The following PPP1R3C variants were observed in gnomAD, a reference collection of about 807,000 sequenced individuals.
PPP1R3C encodes PP1 subunit R5.
A neutral mutation model predicts 29.3 loss-of-function variants in PPP1R3C; 20 were observed. That is an observed-to-expected ratio of 0.68 (90% CI 0.48 to 0.99). PPP1R3C has a LOEUF of 0.99. Among genes scored for constraint, PPP1R3C ranks in the 50% least tolerant of loss-of-function variants. PPP1R3C has a pLI of 0.00. For synonymous variants in PPP1R3C, 123 were observed against 143.1 expected (o/e 0.86, Z 1.00); for missense variants, 321 against 386.0 (o/e 0.83, Z 1.41).
chr10:91,632,460 T>C (rs1848727397), intron 1 of PPP1R3C, among the ~76,000 whole-genome samples: 1 of 152,128 alleles, frequency 6.6e-6, no homozygotes, highest in African/African-American at 2.4e-5. Flanking sequence ...GTGATTTCCT[T>C]GGAACTTTAA....
chr10:91,630,588 A>G lies in PPP1R3C; in HGVS notation c.293T>C (p.Ile98Thr), dbSNP rs1848707283. The G allele has an allele frequency of 1.2e-6, 2 of 1,613,684 alleles. No individual in the cohort carries two copies. Among genetic ancestry groups the G allele is most frequent in the Non-Finnish European group, 1.7e-6 (2 of 1,179,648 alleles). ...TTCTGGGAGGTCGGAGAAGACATGG[A>G]TCGCAGTGAGAGAGAGGCCCTTGGA... ...ADSKGLSLTA[I>T]HVFSDLPEEP... The change falls in exon 2 of 2, where the codon ATC becomes ACC. Residue 98 changes from isoleucine (I) to threonine (T), a missense_variant. Physicochemically the swap from Ile to Thr is moderately conservative, Grantham distance 89. Coordinates refer to ENST00000238994, the MANE Select transcript of PPP1R3C (RefSeq NM_005398.7). This position sits in a 1 kb window ranked among gnomAD's most constrained non-coding sequence, Gnocchi z 4.4.
chr10:91,628,696 A>G lies in PPP1R3C; in HGVS notation c.*1231T>C, dbSNP rs1017741819. 1 of 152,260 alleles carries G rather than the reference A, an allele frequency of 6.6e-6. No homozygotes were observed. Among genetic ancestry groups the G allele is most frequent in the Admixed American group, 6.5e-5 (1 of 15,280 alleles). The allele number at this position is 152,260 out of a possible 1,614,324, so 9.4% of individuals were successfully genotyped here. ...GACTCTTTTTCTTAAGATCCTACAG[A>G]ATGAATTTATGCACACACAAAAACA... On this transcript the variant is annotated 3_prime_UTR_variant, in exon 2 of 2. Coordinates refer to ENST00000238994, the MANE Select transcript of PPP1R3C (RefSeq NM_005398.7).
chr10:91,630,711 G>A lies in PPP1R3C; in HGVS notation c.170C>T (p.Pro57Leu), dbSNP rs772281137. The change falls in exon 2 of 2, where the codon CCC (proline) becomes CTC (leucine). Residue 57 changes from proline to leucine, a missense_variant. Physicochemically the swap from Pro to Leu is moderately conservative, Grantham distance 98. Coordinates refer to ENST00000238994, the MANE Select transcript of PPP1R3C (RefSeq NM_005398.7). The surrounding 1 kb of genome is among the most constrained non-coding windows in gnomAD (Gnocchi z 4.4). ...QRRHFVNKLK[P>L]LKSCLNIKHK... ...TTTTATATTGAGACATGATTTCAGG[G>A]GCTTTAATTTATTCACAAAATGTCG... 9.3e-6 allele frequency: 15 copies of A among 1,614,016 alleles called. No homozygotes were observed. Among genetic ancestry groups the A allele is most frequent in the African/African-American group, 1.3e-5 (1 of 74,910 alleles).
Position 91,630,609 on chromosome 10 carries a change from T to C in PPP1R3C, c.272A>G (p.Lys91Arg). 1 of 1,612,154 alleles carries C rather than the reference T, an allele frequency of 6.2e-7. No homozygotes were observed. Among genetic ancestry groups the C allele is most frequent in the Non-Finnish European group, 8.5e-7 (1 of 1,178,448 alleles). The change falls in exon 2 of 2, where the codon AAG becomes AGG. Residue 91 changes from lysine (K) to arginine (R), a missense_variant. Lys to Arg is a conservative substitution (Grantham distance 26). Transcript: ENST00000238994. This position sits in a 1 kb window ranked among gnomAD's most constrained non-coding sequence, Gnocchi z 4.4. ...AKKRVVFADS[K>R]GLSLTAIHVF... ...ATGGATCGCAGTGAGAGAGAGGCCC[T>C]TGGAGTCAGCAAACACAACGCGCTT...
In PPP1R3C at chr10:91,629,647, T is replaced by C; in HGVS notation, c.*280A>G. The C allele has an allele frequency of 2.2e-6, 1 of 458,220 alleles. No homozygotes were observed. The allele number at this position is 458,220 out of a possible 1,614,324, so 28.4% of individuals were successfully genotyped here. ...TTTCCTTGCCCAACATGAAAGCTAG[T>C]GGATTGAGAGGGAAGGAAGAAGGGA... On this transcript the variant is annotated 3_prime_UTR_variant, in exon 2 of 2. Transcript: ENST00000238994.
chr10:91,632,192 T>C (rs1293961988), intron 1 of PPP1R3C, among the ~76,000 whole-genome samples: 2 of 152,228 alleles, frequency 1.3e-5, no homozygotes, highest in African/African-American at 2.4e-5. Flanking sequence ...ATCACAAAAG[T>C]GTGTAATAAC....
At position 91,629,416 on chromosome 10, in the gene PPP1R3C, T is replaced by C. The variant is rs1303113248; in HGVS notation, c.*511A>G. On this transcript the variant is annotated 3_prime_UTR_variant, in exon 2 of 2. Coordinates refer to ENST00000238994, the MANE Select transcript of PPP1R3C (RefSeq NM_005398.7). ...TCTCCACAAGGATACGTAGAATGGA[T>C]CTTTTTCCCCTCCAGAAATAATTTC... 1 of 165,206 alleles carries C rather than the reference T, an allele frequency of 6.1e-6. No individual in the cohort carries two copies. Among genetic ancestry groups the C allele is most frequent in the African/African-American group, 2.4e-5 (1 of 41,574 alleles). 10.2% of individuals were successfully genotyped at this position (165,206 alleles called of 1,614,324 possible). A position where few individuals can be genotyped will look rare whatever the true frequency, so the allele number is the denominator to read the frequency against.
chr10:91,630,542 C>G lies in PPP1R3C; in HGVS notation c.339G>C (p.Gln113His). The change falls in exon 2 of 2, where the codon CAG (glutamine) becomes CAC (histidine). Residue 113 changes from glutamine to histidine, a missense_variant. Coordinates refer to ENST00000238994, the MANE Select transcript of PPP1R3C (RefSeq NM_005398.7). This position sits in a 1 kb window ranked among gnomAD's most constrained non-coding sequence, Gnocchi z 4.4. ...TATCATTAAGGTCCAAGAGATCAAACTGCAGATCCCACGCTGGTTCTTCTG... is the reference window on the plus strand; with the variant it reads ...TATCATTAAGGTCCAAGAGATCAAAGTGCAGATCCCACGCTGGTTCTTCTG... ...DLPEEPAWDL[Q>H]FDLLDLNDIS... 5 of 1,614,184 alleles carry G rather than the reference C, an allele frequency of 3.1e-6. No individual in the cohort carries two copies. Among genetic ancestry groups the G allele is most frequent in the Non-Finnish European group, 4.2e-6 (5 of 1,180,040 alleles).
At position 91,630,089 on chromosome 10, in the gene PPP1R3C, A is replaced by G. The variant is rs373904290; in HGVS notation, c.792T>C (p.Asp264=). The change falls in exon 2 of 2, where the codon GAT becomes GAC. Residue 264 remains aspartate (D), a synonymous_variant. Coordinates refer to ENST00000238994, the MANE Select transcript of PPP1R3C (RefSeq NM_005398.7). This position sits in a 1 kb window ranked among gnomAD's most constrained non-coding sequence, Gnocchi z 4.4. ...YRIVHVQWKP[D]GVQTQMAPQD... ...GGGGTGCCATCTGTGTCTGCACCCC[A>G]TCAGGCTTCCATTGAACATGAACAA... is the stretch of plus-strand genomic sequence containing the variant. 9.5e-5 allele frequency: 154 copies of G among 1,614,228 alleles called. No homozygotes were observed. Among genetic ancestry groups the G allele is most frequent in the Non-Finnish European group, 1.3e-4 (151 of 1,180,040 alleles).
Position 91,629,673 on chromosome 10 carries a change from A to G in PPP1R3C, c.*254T>C. 1.9e-6 allele frequency: 1 copy of G among 521,574 alleles called. No individual in the cohort carries two copies. Among genetic ancestry groups the G allele is most frequent in the Non-Finnish European group, 3.4e-6 (1 of 290,612 alleles). 32.3% of individuals were successfully genotyped at this position (521,574 alleles called of 1,614,324 possible). A position where few individuals can be genotyped will look rare whatever the true frequency, so the allele number is the denominator to read the frequency against. ...GGATTGAGAGGGAAGGAAGAAGGGA[A>G]CTGAAAAAGTATTACCTTTATAAAA... On this transcript the variant is annotated 3_prime_UTR_variant, in exon 2 of 2. Transcript: ENST00000238994.
At position 91,630,823 on chromosome 10, in the gene PPP1R3C, T is replaced by A; in HGVS notation, c.58A>T (p.Met20Leu). The A allele has an allele frequency of 6.2e-7, 1 of 1,613,950 alleles. No homozygotes were observed. Among genetic ancestry groups the A allele is most frequent in the South Asian group, 1.1e-5 (1 of 91,090 alleles). The change falls in exon 2 of 2, where the codon ATG (methionine) becomes TTG (leucine). Residue 20 changes from methionine to leucine, a missense_variant. Transcript: ENST00000238994. The surrounding 1 kb of genome is among the most constrained non-coding windows in gnomAD (Gnocchi z 4.4). ...AGCCTCATGGCCACATCCACGGGCA[T>A]GACCGAACTTGTCAAAGGACGTGGA... ...LDPRPLTSSV[M>L]PVDVAMRLCL...
Position 91,629,799 on chromosome 10 carries a change from C to G in PPP1R3C, c.*128G>C. On this transcript the variant is annotated 3_prime_UTR_variant, in exon 2 of 2. Coordinates refer to ENST00000238994, the MANE Select transcript of PPP1R3C (RefSeq NM_005398.7). ...TCTCAAGTGTCTTTCTTTTCCATAG[C>G]CAGGTCTCAAAAGCTCAAATCTAAA... 1.0e-6 allele frequency: 1 copy of G among 982,004 alleles called. No individual in the cohort carries two copies. The highest frequency in any genetic ancestry group is 1.6e-6 in the Non-Finnish European group (1 of 640,714). 60.8% of individuals were successfully genotyped at this position (982,004 alleles called of 1,614,324 possible). A position where few individuals can be genotyped will look rare whatever the true frequency, so the allele number is the denominator to read the frequency against.
rs1247744241 is a variant in PPP1R3C, at chr10:91,629,730, A to C, written c.*197T>G. The C allele has an allele frequency of 1.6e-6, 1 of 619,410 alleles. No individual in the cohort carries two copies. Among genetic ancestry groups the C allele is most frequent in the Non-Finnish European group, 2.8e-6 (1 of 357,028 alleles). 38.4% of individuals were successfully genotyped at this position (619,410 alleles called of 1,614,324 possible). On this transcript the variant is annotated 3_prime_UTR_variant, in exon 2 of 2. Coordinates refer to ENST00000238994, the MANE Select transcript of PPP1R3C (RefSeq NM_005398.7). ...TTCAACCTGTTACTTGATCCTTCAA[A>C]GCCAAATTGGGTAGCATCATCTGTA...
intron 1 of PPP1R3C, among the ~76,000 whole-genome samples, chr10:91,631,706 C>T (rs1185150338): frequency 6.6e-6 from 1 of 152,020 alleles, no homozygotes; most frequent in African/African-American, 2.4e-5. Flanking sequence ...TAAAGAGATG[C>T]CCATGACAAG....
In PPP1R3C at chr10:91,629,613, T is replaced by C. The variant is rs1325699987; in HGVS notation, c.*314A>G. On this transcript the variant is annotated 3_prime_UTR_variant, in exon 2 of 2. Coordinates refer to ENST00000238994, the MANE Select transcript of PPP1R3C (RefSeq NM_005398.7). ...GCTTTCCATCACCATCAGCCATCCT[T>C]CCTCAACTTTTCCTTGCCCAACATG... The C allele has an allele frequency of 7.3e-6, 3 of 413,346 alleles. No homozygotes were observed. Among genetic ancestry groups the C allele is most frequent in the Non-Finnish European group, 1.3e-5 (3 of 224,290 alleles). 25.6% of individuals were successfully genotyped at this position (413,346 alleles called of 1,614,324 possible).
At chr10:91,632,809 G>A (rs774579265) in intron 1 of PPP1R3C, 147 bp downstream of exon 1, 349 of 1,209,558 alleles carry the variant, frequency 2.9e-4, no homozygotes, top group Non-Finnish European at 3.9e-4. Context: ...AGGCCTCTCG[G>A]TTGCCAGATT....
chr10:91,632,472 T>A (rs1231741889), intron 1 of PPP1R3C, among the ~76,000 whole-genome samples: 1 of 151,980 alleles, frequency 6.6e-6, no homozygotes, highest in Non-Finnish European at 1.5e-5. Context: ...GAACTTTAAG[T>A]CCTGGACAAG....
In PPP1R3C at chr10:91,629,590, T is replaced by C. The variant is rs1342208188; in HGVS notation, c.*337A>G. ...ACATTCCTCATACCATTAACACAGCTTTCCATCACCATCAGCCATCCTTCC... is the reference window on the plus strand; with the variant it reads ...ACATTCCTCATACCATTAACACAGCCTTCCATCACCATCAGCCATCCTTCC... On this transcript the variant is annotated 3_prime_UTR_variant, in exon 2 of 2. Transcript: ENST00000238994. The C allele has an allele frequency of 1.6e-5, 6 of 376,112 alleles. No homozygotes were observed. Among genetic ancestry groups the C allele is most frequent in the Non-Finnish European group, 2.5e-5 (5 of 201,800 alleles). The allele number at this position is 376,112 out of a possible 1,614,324, so 23.3% of individuals were successfully genotyped here.
chr10:91,630,454 T>C lies in PPP1R3C; in HGVS notation c.427A>G (p.Thr143Ala). 6.2e-7 allele frequency: 1 copy of C among 1,614,172 alleles called. No homozygotes were observed. Among genetic ancestry groups the C allele is most frequent in the Non-Finnish European group, 8.5e-7 (1 of 1,180,032 alleles). Residue 143 changes from threonine (T) to alanine (A), a missense_variant, in exon 2 of 2, where the codon ACC (threonine) becomes GCC (alanine). By Grantham distance (58) the Thr-to-Ala change is moderately conservative. Coordinates refer to ENST00000238994, the MANE Select transcript of PPP1R3C (RefSeq NM_005398.7). The surrounding 1 kb of genome is among the most constrained non-coding windows in gnomAD (Gnocchi z 4.4). ...TGGCTCCGGAAACTTAAGTAATCGG[T>C]TGAAGGCTGAGGGAAATCTAAAATC... The part of the protein sequence containing the change: ...NLILDFPQPS[T>A]DYLSFRSHFQ...
Sources: allele counts gnomAD v4.1 joint callset (sites outside exome capture counted in the v4.1 genomes callset), GRCh38; gene constraint gnomAD v4.1.1; non-coding constraint Gnocchi (gnomAD v3.1); transcripts MANE v1.5; gene names NCBI Gene and HGNC (gene_info 2026-07-23, HGNC 2026-07-21).